Variants in CCL28 observed in about 807,000 individuals in gnomAD.
CCL28 encodes the protein C-C motif chemokine ligand 28.
A neutral mutation model predicts 7.1 loss-of-function variants in CCL28; 4 were observed. That is an observed-to-expected ratio of 0.56 (90% confidence interval 0.28 to 1.29). The LOEUF (loss-of-function observed/expected upper bound fraction) is 1.29. Among genes scored for constraint, CCL28 ranks in the 50% most tolerant of loss-of-function variants. CCL28 has a pLI of 0.11. For synonymous variants in CCL28, 55 were observed against 57.8 expected (o/e 0.95, Z 0.22); for missense variants, 151 against 163.4 (o/e 0.92, Z 0.41).
At chr5:43,404,324 A>G (rs1327833497) in intron 1 of CCL28, among the ~76,000 whole-genome samples, 1 of 152,222 alleles carries the variant, frequency 6.6e-6, no homozygotes, top group Admixed American at 6.5e-5. Flanking sequence ...CAGAAACTCT[A>G]CAAGCCAGAA....
the CCL28 span, among the ~76,000 whole-genome samples, chr5:43,359,958 G>A: frequency 2.6e-5 from 4 of 151,900 alleles, no homozygotes; most frequent in African/African-American, 9.7e-5. Flanking sequence ...CCATTCCCTA[G>A]TCCCCTGCCC....
intron 1 of CCL28, among the ~76,000 whole-genome samples, chr5:43,405,801 A>G (rs537981108): frequency 3.9e-5 from 6 of 152,328 alleles, no homozygotes; most frequent in African/African-American, 1.4e-4. Context: ...GCAATAAAAA[A>G]TGATAAGGAG....
chr5:43,370,346 A>G, the CCL28 span, among the ~76,000 whole-genome samples: 1 of 151,570 alleles, frequency 6.6e-6, no homozygotes, highest in Non-Finnish European at 1.5e-5. Context: ...TAATCTCTCA[A>G]CAGTCTTATG....
Position 43,404,041 on chromosome 5 carries a change from T to C in CCL28, c.64+8212A>G, listed in dbSNP as rs375842282. ...ACCAAATCTACGTCTGATTGGTGTA[T>C]CTGAAAGTGACGGGGAGAATGGAAC... is the stretch of plus-strand genomic sequence containing the variant. On this transcript the variant is annotated intron_variant, in intron 1 of 2. Coordinates refer to ENST00000361115, the MANE Select transcript of CCL28 (RefSeq NM_148672.3). Among the ~76,000 whole-genome samples the C allele has an allele frequency of 2.0e-5, 3 of 152,266 alleles. 1 individual carries two copies. The highest frequency in any genetic ancestry group is 7.2e-5 in the African/African-American group (3 of 41,560).
chr5:43,381,756 T>C lies in CCL28; in HGVS notation c.*104A>G. ...ATTTTTTAAAAACCAATATTTTGTT[T>C]TGTTCTGTTGTCTACAATAAGGAGA... is the stretch of plus-strand genomic sequence containing the variant. On this transcript the variant is annotated 3_prime_UTR_variant, in exon 3 of 3. Coordinates refer to ENST00000361115, the MANE Select transcript of CCL28 (RefSeq NM_148672.3). 2.1e-6 allele frequency: 2 copies of C among 958,112 alleles called. No homozygotes were observed. The highest frequency in any genetic ancestry group is 4.8e-5 in the Admixed American group (2 of 41,368). 59.4% of individuals were successfully genotyped at this position (958,112 alleles called of 1,614,324 possible).
At chr5:43,411,801 G>T (rs189361953) in intron 1 of CCL28, among the ~76,000 whole-genome samples, 1 of 152,174 alleles carries the variant, frequency 6.6e-6, no homozygotes, top group East Asian at 1.9e-4. Flanking sequence ...CTTTGCTCAG[G>T]AAATTTACAA....
the CCL28 span, among the ~76,000 whole-genome samples, chr5:43,368,443 G>A: frequency 5.3e-4 from 80 of 152,242 alleles, no homozygotes; most frequent in South Asian, 2.9e-3. Flanking sequence ...GTGGCCATGC[G>A]GCTAACTGCT....
chr5:43,397,454 G>A (rs535388728), intron 1 of CCL28, among the ~76,000 whole-genome samples: 9 of 151,966 alleles, frequency 5.9e-5, no homozygotes, highest in African/African-American at 2.2e-4. Flanking sequence ...ACAACACTTG[G>A]GGTTATGTTT....
At chr5:43,401,458 G>A (rs1176120288) in intron 1 of CCL28, among the ~76,000 whole-genome samples, 1 of 152,196 alleles carries the variant, frequency 6.6e-6, no homozygotes, top group African/African-American at 2.4e-5. Context: ...TTGTAGCATG[G>A]TACTTAAGCA....
intron 2 of CCL28, among the ~76,000 whole-genome samples, chr5:43,385,513 G>A (rs1050500632): frequency 3.9e-5 from 6 of 151,998 alleles, no homozygotes; most frequent in Non-Finnish European, 1.5e-5. Flanking sequence ...ACCCAGTCAG[G>A]GATAAGGGAC....
chr5:43,396,514 C>T (rs374416599), intron 1 of CCL28, among the ~76,000 whole-genome samples: 1 of 152,094 alleles, frequency 6.6e-6, no homozygotes, highest in African/African-American at 2.4e-5. Context: ...CGACAGAGAC[C>T]TTGTCTCTAA....
intron 1 of CCL28, among the ~76,000 whole-genome samples, chr5:43,398,368 T>A (rs1740902656): frequency 6.6e-6 from 1 of 152,198 alleles, no homozygotes; most frequent in African/African-American, 2.4e-5. Context: ...GGACCACCGG[T>A]GCACACCACC....
intron 1 of CCL28, among the ~76,000 whole-genome samples, chr5:43,404,788 C>G (rs1209504409): frequency 6.6e-6 from 1 of 151,982 alleles, no homozygotes; most frequent in African/African-American, 2.4e-5. Flanking sequence ...GGGACACACA[C>G]AGGCTCAAAA....
At position 43,381,843 on chromosome 5, in the gene CCL28, A is replaced by T. The variant is rs1403954090; in HGVS notation, c.*17T>A. On this transcript the variant is annotated 3_prime_UTR_variant, in exon 3 of 3. Coordinates refer to ENST00000361115, the MANE Select transcript of CCL28 (RefSeq NM_148672.3). ...TCCACTTGAGGAATTGTCTCTGTAG[A>T]TTTATCTGTAGACTCTCTAATAAGG... 1.3e-6 allele frequency: 2 copies of T among 1,591,560 alleles called. No individual in the cohort carries two copies. The highest frequency in any genetic ancestry group is 1.7e-5 in the Admixed American group (1 of 58,118).
chr5:43,395,126 TA>T (rs1348054741), intron 1 of CCL28, among the ~76,000 whole-genome samples: 2 of 150,388 alleles, frequency 1.3e-5, no homozygotes, highest in Non-Finnish European at 3.0e-5. Context: ...TGGTAAAACT[TA>T]AAAAACTATC....
At chr5:43,404,229 A>C (rs1416193900) in intron 1 of CCL28, among the ~76,000 whole-genome samples, 1 of 152,206 alleles carries the variant, frequency 6.6e-6, no homozygotes, top group Non-Finnish European at 1.5e-5. Context: ...AGTTGAAATG[A>C]AGGAAAAAAT....
At chr5:43,395,172 G>A (rs895109342) in intron 1 of CCL28, among the ~76,000 whole-genome samples, 4 of 148,782 alleles carry the variant, frequency 2.7e-5, no homozygotes, top group Admixed American at 1.3e-4. Flanking sequence ...GTTTAAGTTG[G>A]ATTTGTTATT....
At chr5:43,407,327 GA>G (rs1384412001) in intron 1 of CCL28, among the ~76,000 whole-genome samples, 2 of 152,182 alleles carry the variant, frequency 1.3e-5, no homozygotes, top group Non-Finnish European at 2.9e-5. Context: ...AGAGTCCTCG[GA>G]AATAATACCA....
the CCL28 span, among the ~76,000 whole-genome samples, chr5:43,368,960 A>G: frequency 6.7e-6 from 1 of 149,908 alleles, no homozygotes; most frequent in East Asian, 2.0e-4. Context: ...GCAAACTCAT[A>G]CAGCAAGTAA....
Sources: allele counts gnomAD v4.1 joint callset (sites outside exome capture counted in the v4.1 genomes callset), GRCh38; gene constraint gnomAD v4.1.1; transcripts MANE v1.5; gene names NCBI Gene and HGNC (gene_info 2026-07-23, HGNC 2026-07-21).